Variants in DNAJB6 observed in about 807,000 individuals in gnomAD.
The protein encoded by DNAJB6 is dnaJ homolog subfamily B member 6.
In DNAJB6, 16 loss-of-function variants were observed where a neutral mutation model predicts 42.7. That is an observed-to-expected ratio of 0.37 (90% CI 0.25 to 0.57). The LOEUF (loss-of-function observed/expected upper bound fraction) is 0.57, where lower values mean the gene tolerates loss of function less well. Among genes scored for constraint, DNAJB6 ranks in the 20% least tolerant of loss-of-function variants. The pLI is 0.74. For synonymous variants in DNAJB6, 170 were observed against 163.5 expected, an observed-to-expected ratio of 1.04 and a Z score of -0.30; for missense variants, 347 against 416.8, an observed-to-expected ratio of 0.83 and a Z score of 1.46.
chr7:157,396,718 A>G (rs968369186), intron 8 of DNAJB6, among the ~76,000 whole-genome samples: 1 of 152,176 alleles, frequency 6.6e-6, no homozygotes, highest in Admixed American at 6.5e-5. Flanking sequence ...CGGCTTTCAT[A>G]GCCCTTTGTC....
chr7:157,406,119 C>T (rs921687831), intron 8 of DNAJB6, among the ~76,000 whole-genome samples: 4 of 152,230 alleles, frequency 2.6e-5, no homozygotes, highest in Non-Finnish European at 5.9e-5. Context: ...ACTGTGTGTC[C>T]CTTTTGTGAG....
At chr7:157,392,506 T>C (rs1313718106) in intron 8 of DNAJB6, among the ~76,000 whole-genome samples, 2 of 152,128 alleles carry the variant, frequency 1.3e-5, no homozygotes, top group African/African-American at 2.4e-5. Context: ...GTGTTTACTT[T>C]TATTTATTTG....
In DNAJB6 at chr7:157,352,452, G is replaced by C. The variant is rs144599851; in HGVS notation, c.-26-6095G>C. ...TGTATTTGATGGTGGATTACTCTCT[G>C]AATATTTATTCAGTTGAATGTGGAA... On this transcript the variant is annotated intron_variant, in intron 1 of 9. Transcript: ENST00000262177. Among the ~76,000 whole-genome samples the C allele has an allele frequency of 6.3e-3, 951 of 151,940 alleles. 8 individuals are homozygous for C. Among genetic ancestry groups the C allele is most frequent in the African/African-American group, 0.022 (919 of 41,408 alleles).
At chr7:157,344,067 G>A (rs1015789566) in intron 1 of DNAJB6, among the ~76,000 whole-genome samples, 1 of 152,168 alleles carries the variant, frequency 6.6e-6, no homozygotes, top group Non-Finnish European at 1.5e-5. Flanking sequence ...TGGGCCGGGT[G>A]TGGTGGCTCA....
intron 8 of DNAJB6, among the ~76,000 whole-genome samples, chr7:157,404,035 C>G (rs1795652295): frequency 6.6e-6 from 1 of 151,964 alleles, no homozygotes; most frequent in South Asian, 2.1e-4. Context: ...GGTGCGATCA[C>G]AGCTCACTGC....
Position 157,410,540 on chromosome 7 carries a change from A to G in DNAJB6, c.898+539A>G, listed in dbSNP as rs373842908. 9 of 169,004 alleles carry G rather than the reference A, an allele frequency of 5.3e-5. No homozygotes were observed. In the South Asian group the frequency reaches 1.4e-3, roughly 26 times the overall value. The allele number at this position is 169,004 out of a possible 1,614,324, so 10.5% of individuals were successfully genotyped here. On this transcript the variant is annotated intron_variant, in intron 9 of 9. Coordinates refer to ENST00000262177, the MANE Select transcript of DNAJB6 (RefSeq NM_058246.4). ...CCGCCCTGCCCTCCTCCCACCTGTT[A>G]GGGAGCCGGATAGTCTCTGAAGTGA...
At chr7:157,366,448 G>A in intron 3 of DNAJB6, 54 bp from the exon 4 acceptor site, 1 of 1,489,718 alleles carries the variant, frequency 6.7e-7, no homozygotes, top group African/African-American at 1.4e-5. Flanking sequence ...CTTATCTATT[G>A]AATTAAGGGT....
intron 5 of DNAJB6, among the ~76,000 whole-genome samples, chr7:157,373,618 T>G (rs1259986475): frequency 6.6e-6 from 1 of 152,200 alleles, no homozygotes; most frequent in Non-Finnish European, 1.5e-5. Flanking sequence ...CCCGAAGTGC[T>G]GGGATTACAT....
intron 5 of DNAJB6, chr7:157,369,150 G>A (rs1799988031): frequency 5.1e-6 from 2 of 391,514 alleles, no homozygotes; most frequent in South Asian, 3.8e-5. Flanking sequence ...AGACTGGCGT[G>A]CTCATCGTTT....
chr7:157,384,101 C>T (rs1384786989), intron 6 of DNAJB6, among the ~76,000 whole-genome samples: 1 of 152,120 alleles, frequency 6.6e-6, no homozygotes, highest in African/African-American at 2.4e-5. Context: ...ATTTTGGAAA[C>T]AGGACAAAAG....
At chr7:157,412,449 C>CAG (rs1408371299) in intron 9 of DNAJB6, 1 of 152,282 alleles carries the variant, frequency 6.6e-6, no homozygotes, top group East Asian at 1.9e-4. Flanking sequence ...CACACGGGTG[C>CAG]AGACCCCTTA....
intron 1 of DNAJB6, among the ~76,000 whole-genome samples, chr7:157,343,110 GC>G (rs1401759402): frequency 4.0e-5 from 6 of 151,810 alleles, no homozygotes; most frequent in African/African-American, 1.5e-4. Flanking sequence ...TTGTGCTTCA[GC>G]CTTCTTTCTG....
At chr7:157,397,631 C>T (rs1207923159) in intron 8 of DNAJB6, among the ~76,000 whole-genome samples, 1 of 152,250 alleles carries the variant, frequency 6.6e-6, no homozygotes, top group Non-Finnish European at 1.5e-5. Context: ...CCAGCTGGGC[C>T]CTGGGCACGT....
intron 8 of DNAJB6, among the ~76,000 whole-genome samples, chr7:157,393,912 A>G (rs1273542241): frequency 6.6e-6 from 1 of 152,110 alleles, no homozygotes; most frequent in Non-Finnish European, 1.5e-5. Context: ...TCAGTTTGCT[A>G]ATTTATGTGT....
intron 1 of DNAJB6, among the ~76,000 whole-genome samples, chr7:157,339,517 G>A: frequency 6.6e-6 from 1 of 151,354 alleles, no homozygotes; most frequent in East Asian, 1.9e-4. Context: ...AGCCAGGATG[G>A]TCTTGATCTC....
rs1252030610 is a variant in DNAJB6, at chr7:157,409,904, G to T, written c.801G>T (p.Ser267=). ...LRPPKPPRPA[S]LLRHAPHCLS... ...CGCCGAAGCCGCCCCGGCCTGCCTC[G>T]CTGCTGAGACACGCGCCTCACTGTC... The change falls in exon 9 of 10, where the codon TCG becomes TCT. Residue 267 remains serine, a synonymous_variant. Coordinates refer to ENST00000262177, the MANE Select transcript of DNAJB6 (RefSeq NM_058246.4). The T allele has an allele frequency of 1.3e-6, 2 of 1,534,680 alleles. No homozygotes were observed. Among genetic ancestry groups the T allele is most frequent in the East Asian group, 2.4e-5 (1 of 40,846 alleles).
At chr7:157,342,903 A>G (rs531773541) in intron 1 of DNAJB6, among the ~76,000 whole-genome samples, 5 of 151,498 alleles carry the variant, frequency 3.3e-5, no homozygotes, top group Admixed American at 6.6e-5. Flanking sequence ...GGATAATGAA[A>G]TAAGTAGGTG....
intron 8 of DNAJB6, among the ~76,000 whole-genome samples, chr7:157,393,183 T>A (rs974191632): frequency 6.6e-6 from 1 of 152,070 alleles, no homozygotes; most frequent in African/African-American, 2.4e-5. Flanking sequence ...ACTATTTTGG[T>A]CAGGCTGATC....
At chr7:157,370,039 A>G (rs1043209037) in intron 5 of DNAJB6, among the ~76,000 whole-genome samples, 5 of 147,470 alleles carry the variant, frequency 3.4e-5, no homozygotes, top group Non-Finnish European at 3.0e-5. Context: ...TAACATTATT[A>G]TTAAACAGGT....
Sources: allele counts gnomAD v4.1 joint callset (sites outside exome capture counted in the v4.1 genomes callset), GRCh38; gene constraint gnomAD v4.1.1; transcripts MANE v1.5; gene names NCBI Gene and HGNC (gene_info 2026-07-23, HGNC 2026-07-21).